The following ST6GAL1 variants were observed in gnomAD, a reference collection of about 807,000 sequenced individuals.
ST6GAL1 encodes the protein beta-galactoside alpha-2,6-sialyltransferase 1.
Under a neutral mutation model 38.0 loss-of-function variants are expected in ST6GAL1, and 20 were observed. The observed-to-expected ratio is 0.53, with a 90% CI of 0.37 to 0.77. The LOEUF is 0.77. Among genes scored for constraint, ST6GAL1 ranks in the 30% least tolerant of loss-of-function variants. The pLI is 0.00. For missense variants in ST6GAL1, 432 were observed against 496.4 expected (o/e 0.87, Z 1.23); for synonymous variants, 196 against 188.2 (o/e 1.04, Z -0.34).
intron 2 of ST6GAL1, among the ~76,000 whole-genome samples, chr3:186,974,386 C>T (rs1216225821): frequency 6.6e-6 from 1 of 152,190 alleles, no homozygotes. Flanking sequence ...TAGCTCATAA[C>T]TCACTTTATC....
intron 2 of ST6GAL1, among the ~76,000 whole-genome samples, chr3:187,030,073 T>C (rs1490439163): frequency 1.3e-5 from 2 of 152,080 alleles, no homozygotes; most frequent in Non-Finnish European, 2.9e-5. Flanking sequence ...GTAGAGGAGA[T>C]CAAAGGACTG....
chr3:187,048,214 A>G (rs1409967252), intron 4 of ST6GAL1, among the ~76,000 whole-genome samples: 3 of 152,118 alleles, frequency 2.0e-5, no homozygotes, highest in African/African-American at 7.2e-5. Flanking sequence ...AAGTGCTGGG[A>G]TTACAGGTGT....
intron 2 of ST6GAL1, among the ~76,000 whole-genome samples, chr3:186,992,476 G>C (rs958876326): frequency 6.6e-6 from 1 of 152,108 alleles, no homozygotes; most frequent in South Asian, 2.1e-4. Flanking sequence ...ATACAATCAT[G>C]ACCTTAAAAA....
intron 2 of ST6GAL1, among the ~76,000 whole-genome samples, chr3:186,981,746 A>C (rs978201456): frequency 2.6e-5 from 4 of 152,226 alleles, no homozygotes; most frequent in Non-Finnish European, 2.9e-5. Flanking sequence ...ATCCTGGTCC[A>C]TTGACCTATT....
chr3:186,985,286 T>C (rs969284034), intron 2 of ST6GAL1, among the ~76,000 whole-genome samples: 1 of 152,120 alleles, frequency 6.6e-6, no homozygotes, highest in Non-Finnish European at 1.5e-5. Context: ...TTTTTTTAAT[T>C]TGTTATATTT....
intron 5 of ST6GAL1, among the ~76,000 whole-genome samples, chr3:187,068,039 T>C (rs1719229187): frequency 6.6e-6 from 1 of 152,168 alleles, no homozygotes; most frequent in South Asian, 2.1e-4. Flanking sequence ...TTATAGCACA[T>C]AGGTTAGAAG....
intron 1 of ST6GAL1, among the ~76,000 whole-genome samples, chr3:186,939,138 A>G (rs1714072514): frequency 6.7e-6 from 1 of 149,666 alleles, no homozygotes; most frequent in African/African-American, 2.5e-5. Flanking sequence ...CAGTGGGATG[A>G]TCATGACTTG....
chr3:186,951,852 A>G (rs1714590402), intron 1 of ST6GAL1, among the ~76,000 whole-genome samples: 1 of 152,174 alleles, frequency 6.6e-6, no homozygotes, highest in African/African-American at 2.4e-5. Flanking sequence ...GGGAAGTCCA[A>G]GTTGAAGGCA....
intron 2 of ST6GAL1, among the ~76,000 whole-genome samples, chr3:187,012,950 G>GAAAGC (rs1448672709): frequency 1.3e-5 from 2 of 152,210 alleles, no homozygotes; most frequent in African/African-American, 2.4e-5. Flanking sequence ...CTGTGGAAAT[G>GAAAGC]AAAGCAAATC....
chr3:186,998,310 G>A (rs1388630066), intron 2 of ST6GAL1, among the ~76,000 whole-genome samples: 1 of 152,120 alleles, frequency 6.6e-6, no homozygotes, highest in African/African-American at 2.4e-5. Flanking sequence ...TTAACCAGAA[G>A]CCTTACTGAT....
intron 2 of ST6GAL1, among the ~76,000 whole-genome samples, chr3:186,992,623 G>A (rs371189366): frequency 6.6e-6 from 1 of 152,046 alleles, no homozygotes; most frequent in Admixed American, 6.6e-5. Context: ...GTGAAACCCC[G>A]TCTCTACTAA....
chr3:187,040,240 T>A (rs1718081459), intron 3 of ST6GAL1, among the ~76,000 whole-genome samples: 1 of 152,224 alleles, frequency 6.6e-6, no homozygotes, highest in Admixed American at 6.5e-5. Flanking sequence ...TGTAAAACCT[T>A]ACCAATACGG....
intron 1 of ST6GAL1, among the ~76,000 whole-genome samples, chr3:186,939,264 A>C (rs1246811279): frequency 6.6e-6 from 1 of 151,642 alleles, no homozygotes; most frequent in Non-Finnish European, 1.5e-5. Flanking sequence ...TTTTGTAGAG[A>C]TGGGTGTCTC....
chr3:186,934,871 A>G (rs917368874), intron 1 of ST6GAL1, among the ~76,000 whole-genome samples: 1 of 151,930 alleles, frequency 6.6e-6, no homozygotes, highest in African/African-American at 2.4e-5. Context: ...GGTTCACGCC[A>G]TTCTCCTGCC....
At chr3:186,939,853 G>A (rs1356163163) in intron 1 of ST6GAL1, among the ~76,000 whole-genome samples, 1 of 152,138 alleles carries the variant, frequency 6.6e-6, no homozygotes, top group Non-Finnish European at 1.5e-5. Context: ...TCTGCTTTAT[G>A]GATGAGGATG....
At chr3:186,948,527 TAGTG>T (rs1271446119) in intron 1 of ST6GAL1, among the ~76,000 whole-genome samples, 6 of 112,618 alleles carry the variant, frequency 5.3e-5, no homozygotes, top group African/African-American at 1.7e-4. Flanking sequence ...TCAGAAACTC[TAGTG>T]TGTGTGTGTG....
chr3:187,072,560 T>G, intron 5 of ST6GAL1: 1 of 377,582 alleles, frequency 2.6e-6, no homozygotes, highest in South Asian at 2.2e-5. Flanking sequence ...GAGGCTGGGA[T>G]GCCGTGCTAT....
chr3:187,031,098 C>T (rs1034162311), intron 2 of ST6GAL1, among the ~76,000 whole-genome samples: 29 of 152,244 alleles, frequency 1.9e-4, no homozygotes, highest in South Asian at 1.0e-3. Flanking sequence ...AGATAAATGT[C>T]ACATAGTTTG....
chr3:187,015,702 C>T (rs1024854806), intron 2 of ST6GAL1, among the ~76,000 whole-genome samples: 3 of 151,760 alleles, frequency 2.0e-5, no homozygotes, highest in African/African-American at 4.8e-5. Context: ...AGATGGGTGT[C>T]GTGGTGTGTG....
Sources: allele counts gnomAD v4.1 joint callset (sites outside exome capture counted in the v4.1 genomes callset), GRCh38; gene constraint gnomAD v4.1.1; transcripts MANE v1.5; gene names NCBI Gene and HGNC (gene_info 2026-07-23, HGNC 2026-07-21).